Variants in RASGRF2 observed in about 807,000 individuals in gnomAD.
RASGRF2 encodes the protein Ras protein specific guanine nucleotide releasing factor 2, also known as ras-specific guanine nucleotide-releasing factor 2.
RASGRF2 carries 76 observed loss-of-function variants against 151.0 expected under a neutral mutation model. The ratio of observed to expected loss-of-function variants is 0.50; its 90% CI spans 0.42 to 0.61. The LOEUF (loss-of-function observed/expected upper bound fraction) is 0.61. Ranked by LOEUF, RASGRF2 falls within the 20% of genes least tolerant of loss-of-function variation. RASGRF2 has a pLI of 0.00. For synonymous variants in RASGRF2, 504 were observed against 566.5 expected, an observed-to-expected ratio of 0.89 and a Z score of 1.57; for missense variants, 1,148 against 1,564.6, an observed-to-expected ratio of 0.73 and a Z score of 4.49.
In RASGRF2 at chr5:81,177,513, A is replaced by G. The variant is rs115737096; in HGVS notation, c.2687-2662A>G. On this transcript the variant is annotated intron_variant, in intron 17 of 26. Coordinates refer to ENST00000265080, the MANE Select transcript of RASGRF2 (RefSeq NM_006909.3). ...CATATATCATGCAATACAACTTAGT[A>G]AGTTCATACTATGTAGGCTTTCATT... Among the ~76,000 whole-genome samples the G allele has an allele frequency of 2.3e-3, 354 of 151,778 alleles. 3 individuals carry two copies. Among genetic ancestry groups the G allele is most frequent in the African/African-American group, 8.4e-3 (348 of 41,328 alleles).
At chr5:81,037,762 G>A (rs1471055303) in intron 1 of RASGRF2, among the ~76,000 whole-genome samples, 4 of 152,120 alleles carry the variant, frequency 2.6e-5, no homozygotes, top group Non-Finnish European at 4.4e-5. Flanking sequence ...ATTAAAAAAA[G>A]TCAAAATAAA....
chr5:81,014,697 G>A lies in RASGRF2; in HGVS notation c.289-28180G>A, dbSNP rs559992599. ...TTTAAAACTTATTAAAATAAGGAAT[G>A]TTCCTATGAAGAATCCTGAAAATAT... is the stretch of plus-strand genomic sequence containing the variant. On this transcript the variant is annotated intron_variant, in intron 1 of 26. Transcript: ENST00000265080. 3.9e-5 allele frequency among the ~76,000 whole-genome samples: 6 copies of A among 152,236 alleles called. No homozygotes were observed. In the South Asian group the frequency reaches 1.2e-3, roughly 32 times the overall value.
chr5:80,977,146 C>G (rs1748144903), intron 1 of RASGRF2, among the ~76,000 whole-genome samples: 1 of 152,150 alleles, frequency 6.6e-6, no homozygotes, highest in African/African-American at 2.4e-5. Context: ...TTATTTTCAG[C>G]ATGGTGGTTT....
At chr5:81,052,017 C>T (rs991423953) in intron 2 of RASGRF2, among the ~76,000 whole-genome samples, 52 of 152,136 alleles carry the variant, frequency 3.4e-4, no homozygotes, top group African/African-American at 1.2e-3. Context: ...AGTCTTTATA[C>T]GTTCTCATAT....
At chr5:80,972,513 T>C (rs1214153143) in intron 1 of RASGRF2, among the ~76,000 whole-genome samples, 1 of 152,094 alleles carries the variant, frequency 6.6e-6, no homozygotes, top group African/African-American at 2.4e-5. Context: ...AGAGTCTTGC[T>C]CTGTCACCCA....
At chr5:81,042,494 T>C (rs945462935) in intron 1 of RASGRF2, among the ~76,000 whole-genome samples, 5 of 152,254 alleles carry the variant, frequency 3.3e-5, no homozygotes, top group African/African-American at 1.2e-4. Flanking sequence ...AATTAGCTAG[T>C]GCAGTGATGT....
intron 1 of RASGRF2, among the ~76,000 whole-genome samples, chr5:80,994,110 A>AG (rs1228267890): frequency 1.3e-5 from 2 of 152,132 alleles, no homozygotes; most frequent in Non-Finnish European, 2.9e-5. Flanking sequence ...GTACACTTTA[A>AG]GAAGGGGTAG....
chr5:81,032,999 A>G (rs1580230352), intron 1 of RASGRF2, among the ~76,000 whole-genome samples: 1 of 152,174 alleles, frequency 6.6e-6, no homozygotes, highest in South Asian at 2.1e-4. Flanking sequence ...CCTATACACC[A>G]ATAACAGGCA....
intron 1 of RASGRF2, among the ~76,000 whole-genome samples, chr5:80,961,962 G>C (rs945526525): frequency 6.6e-6 from 1 of 152,162 alleles, no homozygotes; most frequent in African/African-American, 2.4e-5. Context: ...ATATGAAAAA[G>C]GCTGATTGTT....
intron 1 of RASGRF2, among the ~76,000 whole-genome samples, chr5:80,969,292 G>A (rs866839210): frequency 2.6e-5 from 4 of 151,306 alleles, no homozygotes; most frequent in South Asian, 2.1e-4. Context: ...CACCACACCC[G>A]GCTAACTTTT....
At chr5:81,019,327 C>G (rs960484695) in intron 1 of RASGRF2, 2 of 152,286 alleles carry the variant, frequency 1.3e-5, no homozygotes, top group Admixed American at 1.3e-4. Flanking sequence ...GCCCTCCAGG[C>G]TGCTGTGTTA....
At chr5:81,205,899 C>T (rs941681574) in intron 19 of RASGRF2, among the ~76,000 whole-genome samples, 3 of 152,102 alleles carry the variant, frequency 2.0e-5, no homozygotes, top group South Asian at 2.1e-4. Context: ...TACAAGTGCC[C>T]GCCACCTGCC....
intron 18 of RASGRF2, among the ~76,000 whole-genome samples, chr5:81,194,649 G>T (rs987455135): frequency 2.0e-5 from 3 of 152,058 alleles, no homozygotes; most frequent in Non-Finnish European, 4.4e-5. Context: ...TTTTTGTCTT[G>T]TTCCTGGCCA....
At position 81,050,538 on chromosome 5, in the gene RASGRF2, C is replaced by T. The variant is rs556876930; in HGVS notation, c.395+7555C>T. On this transcript the variant is annotated intron_variant, in intron 2 of 26. Transcript: ENST00000265080. ...CGAGGCCCCTCTGAGCTGACCTCTGCGAACTCCTCGTGCCACCCCTCCCCT... is the reference window on the plus strand; with the variant it reads ...CGAGGCCCCTCTGAGCTGACCTCTGTGAACTCCTCGTGCCACCCCTCCCCT... Among the ~76,000 whole-genome samples, 16 of 152,222 alleles carry T rather than the reference C, an allele frequency of 1.1e-4. No individual in the cohort carries two copies. The East Asian group carries it at 1.5e-3, about 15-fold the overall frequency.
intron 17 of RASGRF2, among the ~76,000 whole-genome samples, chr5:81,138,781 A>G (rs1041529323): frequency 1.3e-5 from 2 of 149,330 alleles, no homozygotes; most frequent in Non-Finnish European, 3.0e-5. Context: ...TTTTTTTTCC[A>G]GAGTTTGTGA....
intron 1 of RASGRF2, among the ~76,000 whole-genome samples, chr5:80,990,821 T>A (rs1748625521): frequency 6.6e-6 from 1 of 152,198 alleles, no homozygotes; most frequent in Admixed American, 6.5e-5. Flanking sequence ...CATTGTACAC[T>A]AGAAGTGCTG....
chr5:81,000,470 T>G (rs1201645682), intron 1 of RASGRF2, among the ~76,000 whole-genome samples: 6 of 152,330 alleles, frequency 3.9e-5, no homozygotes, highest in African/African-American at 1.2e-4. Flanking sequence ...CTCAAACTCC[T>G]GACCTCAGGT....
rs780986253 is a variant in RASGRF2 at position 81,113,878 on chromosome 5, C to A, written c.2428C>A (p.Arg810Ser). ...GTVEENVDNP[R>S]VDLCNKLKRS... The stretch of plus-strand genomic sequence containing the variant: ...GGTAGAAGAGAATGTCGATAACCCA[C>A]GCGTGGATCTGTGTAACAAGCTAAA... The change falls in exon 15 of 27, where the codon CGC (arginine) becomes AGC (serine). Residue 810 changes from arginine (R) to serine (S), a missense_variant. Around this residue, in one of 5 missense-constraint regions of RASGRF2, gnomAD observed 646 missense variants for 807.4 expected, o/e 0.80. Coordinates refer to ENST00000265080, the MANE Select transcript of RASGRF2 (RefSeq NM_006909.3). The A allele has an allele frequency of 3.7e-6, 6 of 1,614,164 alleles. No individual in the cohort carries two copies. The South Asian group carries it at 6.6e-5, about 18-fold the overall frequency.
chr5:81,057,257 G>A (rs192345965), intron 2 of RASGRF2, among the ~76,000 whole-genome samples: 74 of 152,126 alleles, frequency 4.9e-4, no homozygotes, highest in South Asian at 8.3e-4. Context: ...ATGTTTTTGC[G>A]GTGGCTGGTA....
Sources: allele counts gnomAD v4.1 joint callset (sites outside exome capture counted in the v4.1 genomes callset), GRCh38; gene constraint gnomAD v4.1.1; regional missense constraint gnomAD v4.1.1; transcripts MANE v1.5; gene names NCBI Gene and HGNC (gene_info 2026-07-23, HGNC 2026-07-21).